The following CDK6 variants were observed in gnomAD, a reference collection of about 807,000 sequenced individuals.
CDK6 encodes cyclin dependent kinase 6.
CDK6 carries 6 observed loss-of-function variants against 37.1 expected under a neutral mutation model. That is an observed-to-expected ratio of 0.16 (90% CI 0.09 to 0.32). The LOEUF is 0.32. Ranked by LOEUF, CDK6 falls within the 10% of genes least tolerant of loss-of-function variation. The pLI is 1.00. For synonymous variants in CDK6, 160 were observed against 161.3 expected (o/e 0.99, Z 0.06); for missense variants, 224 against 418.9 (o/e 0.53, Z 4.06).
At chr7:92,756,441 T>C (rs2115701968) in intron 3 of CDK6, among the ~76,000 whole-genome samples, 2 of 152,332 alleles carry the variant, frequency 1.3e-5, no homozygotes, top group East Asian at 3.9e-4. Flanking sequence ...TCACTTTTTC[T>C]TCTATTCAAA....
rs779548814 is a variant in CDK6 at position 92,608,899 on chromosome 7, C to T, written c.*6241G>A. 8.6e-6 allele frequency: 2 copies of T among 232,526 alleles called. No individual in the cohort carries two copies. The highest frequency in any genetic ancestry group is 1.7e-5 in the Non-Finnish European group (2 of 117,648). 14.4% of individuals were successfully genotyped at this position (232,526 alleles called of 1,614,324 possible). ...GGGCGGGGCAACGAGGCAGCGCGCCCGGAAGGCTTTCAAGTGGGAATCAAG... is the reference window on the plus strand; with the variant it reads ...GGGCGGGGCAACGAGGCAGCGCGCCTGGAAGGCTTTCAAGTGGGAATCAAG... On this transcript the variant is annotated 3_prime_UTR_variant, in exon 8 of 8. Transcript: ENST00000424848.
At chr7:92,618,265 C>G (rs1795724507) in intron 6 of CDK6, 58 bp from the exon 7 acceptor site, 2 of 1,581,848 alleles carry the variant, frequency 1.3e-6, no homozygotes. Context: ...GCTGTTTTCT[C>G]ATCAATTTCC....
intron 4 of CDK6, among the ~76,000 whole-genome samples, chr7:92,702,108 A>T (rs931092024): frequency 3.9e-5 from 6 of 152,090 alleles, no homozygotes; most frequent in Non-Finnish European, 7.4e-5. Flanking sequence ...AATCAAATAG[A>T]ATATTGATAA....
At chr7:92,790,670 ATATACT>A (rs1800258760) in intron 2 of CDK6, among the ~76,000 whole-genome samples, 1 of 152,196 alleles carries the variant, frequency 6.6e-6, no homozygotes, top group African/African-American at 2.4e-5. Context: ...GTGTATACAC[ATATACT>A]TATTCAAATC....
In CDK6 at chr7:92,618,389, G is replaced by A. The variant is rs1434957503; in HGVS notation, c.699-182C>T. On this transcript the variant is annotated intron_variant, in intron 6 of 7. Transcript: ENST00000424848. Reference sequence around the variant, plus strand: ...TGTCCTACTGCAATATGGTGGCCATGGGGGAGAGGGTAATCTCACAGAAGA... The same window carrying A: ...TGTCCTACTGCAATATGGTGGCCATAGGGGAGAGGGTAATCTCACAGAAGA... 7 of 552,890 alleles carry A rather than the reference G, an allele frequency of 1.3e-5. No individual in the cohort carries two copies. The South Asian group carries it at 1.7e-4, about 14-fold the overall frequency. The allele number at this position is 552,890 out of a possible 1,614,324, so 34.2% of individuals were successfully genotyped here.
rs1033958471 is a variant in CDK6, at chr7:92,608,262, G to T, written c.*6878C>A. On this transcript the variant is annotated 3_prime_UTR_variant, in exon 8 of 8. Coordinates refer to ENST00000424848, the MANE Select transcript of CDK6 (RefSeq NM_001145306.2). ...ATCCAAACTCCTAAAATTGAGAAAG[G>T]GTTATTTGTGTGACCAAACAACTCA... 1 of 231,828 alleles carries T rather than the reference G, an allele frequency of 4.3e-6. No individual in the cohort carries two copies. The highest frequency in any genetic ancestry group is 2.2e-5 in the African/African-American group (1 of 45,228). 14.4% of individuals were successfully genotyped at this position (231,828 alleles called of 1,614,324 possible). A position where few individuals can be genotyped will look rare whatever the true frequency, so the allele number is the denominator to read the frequency against.
At chr7:92,652,152 C>T (rs1796589975) in intron 5 of CDK6, among the ~76,000 whole-genome samples, 1 of 152,184 alleles carries the variant, frequency 6.6e-6, no homozygotes. Flanking sequence ...TATAGATCAT[C>T]TTCAAGTAGA....
At chr7:92,711,592 G>A in intron 4 of CDK6, among the ~76,000 whole-genome samples, 1 of 102,562 alleles carries the variant, frequency 9.8e-6, no homozygotes, top group South Asian at 3.4e-4. Context: ...TTAAGATAGA[G>A]TGTCTATCTG....
intron 3 of CDK6, among the ~76,000 whole-genome samples, chr7:92,737,599 A>C (rs761851941): frequency 2.6e-5 from 4 of 152,164 alleles, no homozygotes. Flanking sequence ...TACTTAATCA[A>C]CATATATATT....
chr7:92,774,192 C>T (rs1799786342), intron 3 of CDK6, among the ~76,000 whole-genome samples: 1 of 152,152 alleles, frequency 6.6e-6, no homozygotes, highest in Middle Eastern at 3.4e-3. Context: ...TCCCTATAAA[C>T]GTTTTATGAA....
Position 92,615,159 on chromosome 7 carries a change from G to A in CDK6, c.962C>T (p.Ser321Leu), listed in dbSNP as rs751603107. Reference sequence around the variant, plus strand: ...GAGGCCTCAGGCTGTATTCAGCTCCGAGGTGTTCTGGCTGGGCGGCAGGTG... The same window carrying A: ...GAGGCCTCAGGCTGTATTCAGCTCCAAGGTGTTCTGGCTGGGCGGCAGGTG... The part of the protein sequence containing the change: ...DSHLPPSQNT[S>L]ELNTA The change falls in exon 8 of 8, where the codon TCG (serine) becomes TTG (leucine). Residue 321 changes from serine to leucine, a missense_variant. By Grantham distance (145) the Ser-to-Leu change is moderately radical. Transcript: ENST00000424848. 8 of 1,613,798 alleles carry A rather than the reference G, an allele frequency of 5.0e-6. No individual in the cohort carries two copies. The highest frequency in any genetic ancestry group is 3.3e-5 in the South Asian group (3 of 91,052).
At chr7:92,665,766 T>C (rs1192852388) in intron 5 of CDK6, among the ~76,000 whole-genome samples, 1 of 152,140 alleles carries the variant, frequency 6.6e-6, no homozygotes, top group Non-Finnish European at 1.5e-5. Flanking sequence ...CACAAATCAT[T>C]ACAGAAAAAA....
chr7:92,672,158 T>TATAC (rs1554401687), intron 4 of CDK6, among the ~76,000 whole-genome samples: 2 of 102,726 alleles, frequency 1.9e-5, no homozygotes, highest in South Asian at 3.8e-4. Flanking sequence ...TATATATATA[T>TATAC]ATACACATAC....
At chr7:92,678,805 ACT>A (rs1176430846) in intron 4 of CDK6, among the ~76,000 whole-genome samples, 2 of 152,168 alleles carry the variant, frequency 1.3e-5, no homozygotes, top group East Asian at 3.9e-4. Context: ...CCAGTTTCTT[ACT>A]GGCTTTGGCC....
chr7:92,769,910 A>G (rs1372546498), intron 3 of CDK6, among the ~76,000 whole-genome samples: 2 of 152,192 alleles, frequency 1.3e-5, no homozygotes, highest in Admixed American at 6.5e-5. Flanking sequence ...AAGGTGCTAT[A>G]TAAGCATAGA....
At chr7:92,725,153 G>C (rs1798480890) in intron 4 of CDK6, 6 of 985,412 alleles carry the variant, frequency 6.1e-6, no homozygotes, top group Non-Finnish European at 7.2e-6. Context: ...AGTTCACTGT[G>C]AATTTGATTT....
At chr7:92,669,516 T>A (rs1025186519) in intron 5 of CDK6, among the ~76,000 whole-genome samples, 3 of 152,220 alleles carry the variant, frequency 2.0e-5, no homozygotes, top group Non-Finnish European at 4.4e-5. Flanking sequence ...TCTAGACACA[T>A]AAAGATAATT....
At chr7:92,690,700 G>A (rs1321930794) in intron 4 of CDK6, among the ~76,000 whole-genome samples, 4 of 152,148 alleles carry the variant, frequency 2.6e-5, no homozygotes, top group African/African-American at 4.8e-5. Flanking sequence ...CTATGACAAC[G>A]TATGGGGTTG....
At chr7:92,759,608 C>T (rs1052836061) in intron 3 of CDK6, among the ~76,000 whole-genome samples, 1 of 148,228 alleles carries the variant, frequency 6.7e-6, no homozygotes, top group African/African-American at 2.5e-5. Flanking sequence ...GTGTCCTCAG[C>T]AGTTTTCATT....
Sources: gnomAD v4.1 joint callset for allele counts (sites outside exome capture counted in the v4.1 genomes callset) on GRCh38, gnomAD v4.1.1 for gene constraint, MANE v1.5 for transcripts, NCBI Gene and HGNC (gene_info 2026-07-23, HGNC 2026-07-21) for gene names.